RORA: variants seen among roughly 807,000 people sequenced by gnomAD.
RORA encodes nuclear receptor ROR-alpha.
Under a neutral mutation model 69.5 loss-of-function variants are expected in RORA, and 7 were observed. The observed-to-expected ratio is 0.10, with a 90% CI of 0.06 to 0.19. The LOEUF is 0.19. Among genes scored for constraint, RORA ranks in the 10% least tolerant of loss-of-function variants. The pLI is 1.00. For missense variants in RORA, 457 were observed against 663.0 expected, an observed-to-expected ratio of 0.69 and a Z score of 3.41; for synonymous variants, 261 against 240.8, an observed-to-expected ratio of 1.08 and a Z score of -0.78.
chr15:60,912,284 G>T (rs918239709), intron 1 of RORA, among the ~76,000 whole-genome samples: 4 of 151,984 alleles, frequency 2.6e-5, no homozygotes, highest in South Asian at 2.1e-4. Context: ...AGCCAGATGT[G>T]GGGGGGCTGC....
At chr15:61,008,623 A>T (rs930918340) in intron 1 of RORA, among the ~76,000 whole-genome samples, 1 of 152,166 alleles carries the variant, frequency 6.6e-6, no homozygotes, top group Non-Finnish European at 1.5e-5. Context: ...ATTTCCAAGA[A>T]TGGAAGAAAT....
intron 1 of RORA, among the ~76,000 whole-genome samples, chr15:60,985,053 G>C (rs1433711635): frequency 6.6e-6 from 1 of 152,104 alleles, no homozygotes; most frequent in Non-Finnish European, 1.5e-5. Flanking sequence ...AGGATTTATG[G>C]AACAAGTGTG....
chr15:60,914,344 A>G (rs900152434), intron 1 of RORA, among the ~76,000 whole-genome samples: 1 of 152,186 alleles, frequency 6.6e-6, no homozygotes, highest in Non-Finnish European at 1.5e-5. Context: ...GCTCCTAGCC[A>G]CAGAGAATGA....
intron 2 of RORA, chr15:60,598,485 A>T (rs1004675984): frequency 6.6e-6 from 1 of 152,240 alleles, no homozygotes; most frequent in African/African-American, 2.4e-5. Context: ...GAAGACCTTT[A>T]TGACAATCCA....
chr15:61,217,221 T>C (rs1178269144), intron 1 of RORA, among the ~76,000 whole-genome samples: 1 of 152,080 alleles, frequency 6.6e-6, no homozygotes, highest in Non-Finnish European at 1.5e-5. Flanking sequence ...AGTAAAAACA[T>C]AAACTGTGGT....
intron 5 of RORA, among the ~76,000 whole-genome samples, chr15:60,507,780 G>A (rs759096422): frequency 1.3e-5 from 2 of 152,166 alleles, no homozygotes; most frequent in Non-Finnish European, 2.9e-5. Context: ...TCTTCGCAGG[G>A]AAGTAGGGGG....
At chr15:60,995,454 G>A (rs1393746867) in intron 1 of RORA, among the ~76,000 whole-genome samples, 1 of 152,156 alleles carries the variant, frequency 6.6e-6, no homozygotes, top group African/African-American at 2.4e-5. Context: ...GCGTGACCTT[G>A]GAAGAAGCAT....
chr15:60,926,534 T>C (rs1892224155), intron 1 of RORA, among the ~76,000 whole-genome samples: 1 of 152,256 alleles, frequency 6.6e-6, no homozygotes, highest in South Asian at 2.1e-4. Context: ...GTGGTACATC[T>C]TCTCAGAGAG....
intron 1 of RORA, among the ~76,000 whole-genome samples, chr15:61,185,786 T>A (rs549687220): frequency 4.6e-5 from 7 of 152,172 alleles, no homozygotes; most frequent in African/African-American, 1.7e-4. Flanking sequence ...CTCTTCCCCA[T>A]GGCTCTGAGG....
At chr15:61,030,703 T>C (rs548352283) in intron 1 of RORA, among the ~76,000 whole-genome samples, 113 of 152,272 alleles carry the variant, frequency 7.4e-4, no homozygotes, top group African/African-American at 2.5e-3. Context: ...GCCGTGACTT[T>C]TAAGCACATT....
intron 1 of RORA, among the ~76,000 whole-genome samples, chr15:60,996,840 G>A (rs1339720447): frequency 6.6e-6 from 1 of 152,030 alleles, no homozygotes; most frequent in Non-Finnish European, 1.5e-5. Context: ...AACCCAGGAG[G>A]CGGAGCTTGC....
chr15:60,579,145 G>A (rs1464965374), intron 2 of RORA, among the ~76,000 whole-genome samples: 3 of 146,132 alleles, frequency 2.1e-5, no homozygotes, highest in East Asian at 2.0e-4. Context: ...TGGCATTACC[G>A]TCCTGCTTCC....
At chr15:60,754,212 G>A (rs766929309) in intron 1 of RORA, among the ~76,000 whole-genome samples, 5 of 152,036 alleles carry the variant, frequency 3.3e-5, no homozygotes, top group Non-Finnish European at 5.9e-5. Flanking sequence ...GAAAATCATC[G>A]GCTGCTTTTC....
chr15:61,218,171 ATGTT>A (rs1314883388), intron 1 of RORA, among the ~76,000 whole-genome samples: 3 of 110,962 alleles, frequency 2.7e-5, no homozygotes, highest in Non-Finnish European at 3.7e-5. Flanking sequence ...TTTACATGAA[ATGTT>A]TGTGTGTGTG....
chr15:60,769,908 T>C (rs936665937), intron 1 of RORA, among the ~76,000 whole-genome samples: 2 of 152,236 alleles, frequency 1.3e-5, no homozygotes, highest in Admixed American at 1.3e-4. Context: ...CCTCTTCTAC[T>C]AAATTATGCT....
At chr15:61,100,275 G>T (rs7169433) in intron 1 of RORA, among the ~76,000 whole-genome samples, 64,008 of 151,646 alleles carry the variant, frequency 0.42, 14,106 homozygotes, top group Non-Finnish European at 0.49. Context: ...CGTGTCACCA[G>T]GTCCAGCTAA....
chr15:60,897,570 G>A (rs550311332), intron 1 of RORA, among the ~76,000 whole-genome samples: 3 of 152,342 alleles, frequency 2.0e-5, no homozygotes, highest in Admixed American at 2.0e-4. Flanking sequence ...CCTTGCTCAG[G>A]GATGAACCCA....
chr15:61,155,525 T>A (rs891760883), intron 1 of RORA, among the ~76,000 whole-genome samples: 1 of 152,122 alleles, frequency 6.6e-6, no homozygotes, highest in Non-Finnish European at 1.5e-5. Context: ...GTTGCCCGGT[T>A]TTCCCTTTTT....
At chr15:60,842,317 G>A (rs1343461426) in intron 1 of RORA, among the ~76,000 whole-genome samples, 1 of 152,166 alleles carries the variant, frequency 6.6e-6, no homozygotes, top group African/African-American at 2.4e-5. Flanking sequence ...CCCATGGGCT[G>A]CAGGATAAAG....
Sources: gnomAD v4.1 joint callset for allele counts (sites outside exome capture counted in the v4.1 genomes callset) on GRCh38, gnomAD v4.1.1 for gene constraint, MANE v1.5 for transcripts, NCBI Gene and HGNC (gene_info 2026-07-23, HGNC 2026-07-21) for gene names.